The following EGFL6 variants were observed in gnomAD, a reference collection of about 807,000 sequenced individuals.
The protein encoded by EGFL6 is EGF like domain multiple 6, also known as epidermal growth factor-like protein 6.
A neutral mutation model predicts 43.1 loss-of-function variants in EGFL6; 42 were observed. That is an observed-to-expected ratio of 0.98 (90% CI 0.76 to 1.26). EGFL6 has a LOEUF of 1.26. Among genes scored for constraint, EGFL6 ranks in the 50% most tolerant of loss-of-function variants. EGFL6 has a pLI of 0.00. For missense variants in EGFL6, 429 were observed against 427.8 expected, an observed-to-expected ratio of 1.00 and a Z score of -0.02; for synonymous variants, 164 against 163.2, an observed-to-expected ratio of 1.01 and a Z score of -0.04.
chrX:13,619,134 T>C (rs752035678), intron 8 of EGFL6, 29 bp from the exon 9 acceptor site: 28 of 1,182,106 alleles, frequency 2.4e-5, no homozygotes, highest in Non-Finnish European at 3.1e-5. Flanking sequence ...TAAGGTTTTT[T>C]TCTTAACTGA....
intron 4 of EGFL6, among the ~76,000 whole-genome samples, chrX:13,600,312 A>T (rs1488282913): frequency 1.5e-5 from 1 of 67,523 alleles, no homozygotes; most frequent in Middle Eastern, 0.016. Flanking sequence ...TTTGAGACAG[A>T]GTCTCGCTCT....
intron 1 of EGFL6, among the ~76,000 whole-genome samples, chrX:13,588,221 C>G (rs951547374): frequency 8.9e-6 from 1 of 112,603 alleles, no homozygotes; most frequent in Non-Finnish European, 1.9e-5. Flanking sequence ...AATGAAATGT[C>G]TCAGACCATA....
At chrX:13,587,549 A>G (rs1257947055) in intron 1 of EGFL6, among the ~76,000 whole-genome samples, 3 of 111,758 alleles carry the variant, frequency 2.7e-5, no homozygotes, top group Non-Finnish European at 5.6e-5. Flanking sequence ...TGCTAACTGT[A>G]GTCACCCTGC....
intron 5 of EGFL6, among the ~76,000 whole-genome samples, chrX:13,605,840 A>G (rs775698821): frequency 3.6e-5 from 4 of 112,469 alleles, no homozygotes; most frequent in Non-Finnish European, 7.5e-5. Context: ...CAATTTATGC[A>G]TAAGTGCATG....
At chrX:13,624,025 G>T in intron 10 of EGFL6, 100 bp downstream of exon 10, 1 of 686,242 alleles carries the variant, frequency 1.5e-6, no homozygotes, top group African/African-American at 2.2e-5. Context: ...TCAGAGCAGG[G>T]TTGTTTGTCA....
At chrX:13,616,603 TC>T (rs1375182484) in intron 7 of EGFL6, among the ~76,000 whole-genome samples, 1 of 106,203 alleles carries the variant, frequency 9.4e-6, no homozygotes, top group African/African-American at 3.4e-5. Context: ...AGAGTGAAAC[TC>T]TGTCTCAAAA....
chrX:13,630,921 T>A (rs2045807366), intron 11 of EGFL6, among the ~76,000 whole-genome samples: 1 of 112,768 alleles, frequency 8.9e-6, no homozygotes, highest in South Asian at 3.6e-4. Flanking sequence ...AAAATGCCAA[T>A]TTATACAAGT....
chrX:13,571,898 T>C (rs1337020174), intron 1 of EGFL6, among the ~76,000 whole-genome samples: 1 of 112,289 alleles, frequency 8.9e-6, no homozygotes, highest in Non-Finnish European at 1.9e-5. Context: ...AAACTGTGTC[T>C]ACTGGTTATT....
intron 7 of EGFL6, among the ~76,000 whole-genome samples, chrX:13,608,875 T>G (rs1470638772): frequency 1.8e-5 from 2 of 112,453 alleles, no homozygotes; most frequent in East Asian, 5.5e-4. Flanking sequence ...TTTTCCAGAA[T>G]GCACAACCAA....
intron 5 of EGFL6, among the ~76,000 whole-genome samples, chrX:13,605,429 A>G (rs777909446): frequency 9.1e-6 from 1 of 109,325 alleles, no homozygotes; most frequent in South Asian, 4.0e-4. Context: ...ATAATAAAAA[A>G]TAGCCAGGCA....
intron 4 of EGFL6, among the ~76,000 whole-genome samples, chrX:13,600,630 G>T (rs2045628817): frequency 9.4e-6 from 1 of 106,161 alleles, no homozygotes; most frequent in South Asian, 4.4e-4. Context: ...GGGCACAGTG[G>T]CTCACACCTG....
intron 3 of EGFL6, among the ~76,000 whole-genome samples, chrX:13,599,055 G>A (rs1436599753): frequency 9.2e-6 from 1 of 108,801 alleles, no homozygotes; most frequent in African/African-American, 3.3e-5. Context: ...CTGTCTGACA[G>A]GGCTCCCTCT....
chrX:13,571,189 T>C (rs1024127944), intron 1 of EGFL6, among the ~76,000 whole-genome samples: 1 of 99,089 alleles, frequency 1.0e-5, no homozygotes, highest in African/African-American at 3.8e-5. Flanking sequence ...GAGGGCACAA[T>C]TGCTCCTAGC....
At position 13,621,201 on chromosome X, in the gene EGFL6, C is replaced by T. The variant is rs769709516; in HGVS notation, c.1183+1958C>T. Among the ~76,000 whole-genome samples the T allele has an allele frequency of 2.7e-5, 3 of 112,385 alleles. No individual in the cohort carries two copies. In the South Asian group the frequency reaches 1.1e-3, roughly 41 times the overall value. ...CCAGGAAATGGTGGTTGGGGGTGTG[C>T]ATAAGTGAGATGGGGAGACAAGGAG... On this transcript the variant is annotated intron_variant, in intron 9 of 11. Coordinates refer to ENST00000361306, the MANE Select transcript of EGFL6 (RefSeq NM_015507.4).
rs777290359 is a variant in EGFL6 at position 13,594,843 on chromosome X, C to G, written c.195C>G (p.Cys65Trp). ...CATCTTTTCCTTCCACAGCTACATGCGAACCTGGATGTAAGTTTGGTGAGT... is the reference window on the plus strand; with the variant it reads ...CATCTTTTCCTTCCACAGCTACATGGGAACCTGGATGTAAGTTTGGTGAGT... ...RNSKGVCEAT[C>W]EPGCKFGECV... Residue 65 changes from cysteine to tryptophan, a missense_variant, in exon 3 of 12, where the codon TGC (cysteine) becomes TGG (tryptophan). Cys to Trp is a radical substitution (Grantham distance 215). Coordinates refer to ENST00000361306, the MANE Select transcript of EGFL6 (RefSeq NM_015507.4). 8.3e-7 allele frequency: 1 copy of G among 1,208,463 alleles called. No individual in the cohort carries two copies. Among genetic ancestry groups the G allele is most frequent in the East Asian group, 3.0e-5 (1 of 33,801 alleles).
intron 7 of EGFL6, among the ~76,000 whole-genome samples, chrX:13,611,471 C>T (rs919191007): frequency 8.9e-6 from 1 of 112,218 alleles, no homozygotes; most frequent in Admixed American, 9.4e-5. Flanking sequence ...TACTCACTCT[C>T]CTACCCCTAG....
intron 2 of EGFL6, among the ~76,000 whole-genome samples, chrX:13,593,313 A>T (rs1464348896): frequency 9.0e-6 from 1 of 111,702 alleles, no homozygotes; most frequent in African/African-American, 3.3e-5. Context: ...GCATGATCAG[A>T]GCTATGCTTT....
chrX:13,603,471 T>C, intron 5 of EGFL6, 35 bp downstream of exon 5: 4 of 1,163,394 alleles, frequency 3.4e-6, no homozygotes, highest in Non-Finnish European at 4.6e-6. Context: ...CTCCTCCTTC[T>C]CCTCCCTTGA....
At chrX:13,591,426 C>T (rs1438813744) in intron 2 of EGFL6, among the ~76,000 whole-genome samples, 1 of 111,630 alleles carries the variant, frequency 9.0e-6, no homozygotes, top group Non-Finnish European at 1.9e-5. Flanking sequence ...GTTTTGCAAG[C>T]TGAAGAGACG....
Sources: allele counts gnomAD v4.1 joint callset (sites outside exome capture counted in the v4.1 genomes callset), GRCh38; gene constraint gnomAD v4.1.1; transcripts MANE v1.5; gene names NCBI Gene and HGNC (gene_info 2026-07-23, HGNC 2026-07-21).